The following ALG6 variants were observed in gnomAD, a reference collection of about 807,000 sequenced individuals.
The protein encoded by ALG6 is ALG6 alpha-1,3-glucosyltransferase.
In ALG6, 46 loss-of-function variants were observed where a neutral mutation model predicts 66.6. The ratio of observed to expected loss-of-function variants is 0.69; its 90% CI spans 0.55 to 0.88. ALG6 has a LOEUF of 0.88. Ranked by LOEUF, ALG6 falls within the 40% of genes least tolerant of loss-of-function variation. The pLI is 0.00. For synonymous variants in ALG6, 185 were observed against 203.7 expected (o/e 0.91, Z 0.78); for missense variants, 505 against 586.8 (o/e 0.86, Z 1.44).
chr1:63,413,904 A>T, intron 9 of ALG6, 157 bp from the exon 10 acceptor site: 1 of 594,380 alleles, frequency 1.7e-6, no homozygotes, highest in Non-Finnish European at 3.0e-6. Context: ...GTGTATGCGT[A>T]TATGTTTATT....
At chr1:63,391,387 AGAGTAT>A (rs1648670044) in intron 2 of ALG6, among the ~76,000 whole-genome samples, 2 of 152,336 alleles carry the variant, frequency 1.3e-5, no homozygotes, top group South Asian at 4.1e-4. Flanking sequence ...ATAGGACAAT[AGAGTAT>A]GAGTCAAGAG....
chr1:63,423,987 A>G (rs1467757335), intron 12 of ALG6, among the ~76,000 whole-genome samples: 1 of 152,178 alleles, frequency 6.6e-6, no homozygotes, highest in African/African-American at 2.4e-5. Context: ...GTTATTTTCC[A>G]TCATTTTGAT....
In ALG6 at chr1:63,422,331, CTA is replaced by C. The variant is rs1276576658; in HGVS notation, c.1058+2894_1058+2895del. Among the ~76,000 whole-genome samples the C allele has an allele frequency of 2.7e-5, 2 of 75,064 alleles. 1 individual carries two copies. The highest frequency in any genetic ancestry group is 5.0e-5 in the Non-Finnish European group (2 of 40,020). 49.2% of individuals were successfully genotyped at this position (75,064 alleles called of 152,430 possible). A position where few individuals can be genotyped will look rare whatever the true frequency, so the allele number is the denominator to read the frequency against. ...TATATATCTATATATGAATATATAT[CTA>C]TAGGAATATAAATATATATCTATAT... On this transcript the variant is annotated intron_variant, in intron 12 of 14. Coordinates refer to ENST00000263440, the MANE Select transcript of ALG6 (RefSeq NM_013339.4).
intron 2 of ALG6, among the ~76,000 whole-genome samples, chr1:63,389,775 A>G (rs1291626227): frequency 1.3e-5 from 2 of 152,328 alleles, no homozygotes; most frequent in Non-Finnish European, 1.5e-5. Flanking sequence ...CGCTGCAGCC[A>G]TATTTGCATT....
rs184927350 is a variant in ALG6 at position 63,400,631 on chromosome 1, G to T, written c.168-1623G>T. Among the ~76,000 whole-genome samples, 6 of 151,760 alleles carry T rather than the reference G, an allele frequency of 4.0e-5. No individual in the cohort carries two copies. The East Asian group carries it at 9.7e-4, about 25-fold the overall frequency. ...TCAATGCCTCTTTTACTCATCTCCA[G>T]TGGATCTCAAGGTTAAACTAAATGA... is the stretch of plus-strand genomic sequence containing the variant. On this transcript the variant is annotated intron_variant, in intron 3 of 14. Transcript: ENST00000263440.
intron 3 of ALG6, among the ~76,000 whole-genome samples, chr1:63,399,201 C>T (rs1570055080): frequency 1.3e-5 from 2 of 152,178 alleles, no homozygotes. Context: ...TGTGGCTTCT[C>T]CAACATGGCC....
In ALG6 at chr1:63,411,330, G is replaced by T; in HGVS notation, c.679G>T (p.Gly227Trp). Reference protein sequence around the residue: ...KCFKKGLKGKGFVLLVKLACI... With the variant: ...KCFKKGLKGKWFVLLVKLACI... ...TTTTAAAAAAGGCCTCAAAGGAAAG[G>T]GGTGAGTGACTTTTAAACACTAGAA... Residue 227 changes from glycine (G) to tryptophan (W), a missense_variant and splice_region_variant, in exon 8 of 15, where the codon GGG (glycine) becomes TGG (tryptophan). By Grantham distance (184) the Gly-to-Trp change is radical. Transcript: ENST00000263440. 2 of 1,613,048 alleles carry T rather than the reference G, an allele frequency of 1.2e-6. No individual in the cohort carries two copies. The highest frequency in any genetic ancestry group is 1.1e-5 in the South Asian group (1 of 90,840).
At chr1:63,382,830 C>T (rs1648371783) in intron 2 of ALG6, among the ~76,000 whole-genome samples, 1 of 151,908 alleles carries the variant, frequency 6.6e-6, no homozygotes, top group African/African-American at 2.4e-5. Flanking sequence ...TGCCTGCCAC[C>T]ACACCCAGCT....
At chr1:63,368,481 C>T (rs1205046198) in intron 1 of ALG6, among the ~76,000 whole-genome samples, 2 of 151,978 alleles carry the variant, frequency 1.3e-5, no homozygotes, top group African/African-American at 4.8e-5. Context: ...GTCAACACAT[C>T]CAAGTAATTT....
At chr1:63,418,872 T>G (rs1324417581) in intron 11 of ALG6, among the ~76,000 whole-genome samples, 1 of 152,264 alleles carries the variant, frequency 6.6e-6, no homozygotes, top group African/African-American at 2.4e-5. Flanking sequence ...TATCCATATC[T>G]AATTTGCAGA....
At chr1:63,371,669 A>G (rs762829449) in intron 2 of ALG6, among the ~76,000 whole-genome samples, 2 of 151,774 alleles carry the variant, frequency 1.3e-5, no homozygotes, top group Non-Finnish European at 2.9e-5. Context: ...CAGTGGCGCA[A>G]TCTTGGCTCA....
intron 12 of ALG6, among the ~76,000 whole-genome samples, chr1:63,422,126 A>AATATATAAATATAAATATAT (rs1334474580): frequency 1.2e-4 from 9 of 74,354 alleles, no homozygotes; most frequent in East Asian, 4.5e-4. Context: ...TAAATATATA[A>AATATATAAATATAAATATAT]ATAAATATAT....
At chr1:63,414,880 G>T (rs183997080) in intron 10 of ALG6, among the ~76,000 whole-genome samples, 17 of 152,174 alleles carry the variant, frequency 1.1e-4, no homozygotes, top group Admixed American at 1.1e-3. Flanking sequence ...GAATATCTAG[G>T]GGGGAAGGAA....
chr1:63,406,452 TCTAA>T (rs2100417125), intron 6 of ALG6, 53 bp downstream of exon 6: 2 of 1,466,176 alleles, frequency 1.4e-6, no homozygotes, highest in East Asian at 2.3e-5. Context: ...TCTTTATTAG[TCTAA>T]CTATTAAGTA....
chr1:63,402,458 GTA>G, intron 4 of ALG6, 115 bp downstream of exon 4: 14 of 339,970 alleles, frequency 4.1e-5, no homozygotes, highest in South Asian at 1.4e-4. Flanking sequence ...AGCTGCTATT[GTA>G]TTTTTTTTTT....
chr1:63,390,450 C>T (rs1316803286), intron 2 of ALG6, among the ~76,000 whole-genome samples: 2 of 152,044 alleles, frequency 1.3e-5, no homozygotes, highest in Non-Finnish European at 2.9e-5. Context: ...CATCCTTAAG[C>T]CATACTGCCT....
At chr1:63,380,247 A>G (rs532155510) in intron 2 of ALG6, among the ~76,000 whole-genome samples, 1 of 152,186 alleles carries the variant, frequency 6.6e-6, no homozygotes, top group South Asian at 2.1e-4. Context: ...CAAGGGATCT[A>G]TAGGAGACCA....
At chr1:63,412,806 A>G (rs930974094) in intron 9 of ALG6, among the ~76,000 whole-genome samples, 17 of 152,230 alleles carry the variant, frequency 1.1e-4, no homozygotes, top group African/African-American at 4.1e-4. Flanking sequence ...GCCTTTTAAT[A>G]AAGTTAGACA....
intron 7 of ALG6, among the ~76,000 whole-genome samples, chr1:63,410,097 A>G (rs1329938424): frequency 1.3e-5 from 2 of 151,938 alleles, no homozygotes; most frequent in Admixed American, 6.6e-5. Flanking sequence ...TGCAGGGTGG[A>G]TTGGCTTTTT....
Sources: gnomAD v4.1 joint callset for allele counts (sites outside exome capture counted in the v4.1 genomes callset) on GRCh38, gnomAD v4.1.1 for gene constraint, MANE v1.5 for transcripts, NCBI Gene and HGNC (gene_info 2026-07-23, HGNC 2026-07-21) for gene names.